Variants in FOXK2 observed in about 807,000 individuals in gnomAD.
The protein encoded by FOXK2 is forkhead box K2.
In FOXK2, 24 loss-of-function variants were observed where a neutral mutation model predicts 53.3. The ratio of observed to expected loss-of-function variants is 0.45; its 90% CI spans 0.33 to 0.63. The LOEUF is 0.63. Ranked by LOEUF, FOXK2 falls within the 30% of genes least tolerant of loss-of-function variation. FOXK2 has a pLI of 0.03. For missense variants in FOXK2, 952 were observed against 910.5 expected, an observed-to-expected ratio of 1.05 and a Z score of -0.59; for synonymous variants, 505 against 407.1, an observed-to-expected ratio of 1.24 and a Z score of -2.89.
intron 8 of FOXK2, 107 bp from the exon 9 acceptor site, chr17:82,601,196 G>C: frequency 8.3e-7 from 1 of 1,206,948 alleles, no homozygotes. Flanking sequence ...GAGTTCACAT[G>C]AGAGCGTGGG....
intron 1 of FOXK2, among the ~76,000 whole-genome samples, chr17:82,528,897 G>T (rs2044444588): frequency 6.6e-6 from 1 of 152,192 alleles, no homozygotes; most frequent in African/African-American, 2.4e-5. Flanking sequence ...TACGACACCG[G>T]GGTGAGTCTG....
chr17:82,556,375 C>T (rs958551914), intron 1 of FOXK2, among the ~76,000 whole-genome samples: 4 of 151,450 alleles, frequency 2.6e-5, no homozygotes, highest in South Asian at 2.1e-4. Context: ...ACCAGGGAGT[C>T]GAAGGTTGCA....
intron 4 of FOXK2, chr17:82,576,486 TTAACA>T (rs1268820804): frequency 3.7e-6 from 2 of 543,958 alleles, no homozygotes; most frequent in Non-Finnish European, 6.4e-6. Flanking sequence ...CTGTCAATAC[TTAACA>T]TAAATGAAGA....
At chr17:82,551,778 A>G (rs1394752347) in intron 1 of FOXK2, among the ~76,000 whole-genome samples, 3 of 152,220 alleles carry the variant, frequency 2.0e-5, no homozygotes, top group Non-Finnish European at 4.4e-5. Flanking sequence ...AGGGTTTCTA[A>G]TGTATTTCTC....
At chr17:82,523,829 T>A (rs911092476) in intron 1 of FOXK2, among the ~76,000 whole-genome samples, 6 of 152,090 alleles carry the variant, frequency 3.9e-5, no homozygotes, top group African/African-American at 1.4e-4. Flanking sequence ...ATGATACAAG[T>A]TCTTTTTAAG....
chr17:82,583,310 CG>C (rs1467820837), intron 5 of FOXK2, among the ~76,000 whole-genome samples: 3 of 152,042 alleles, frequency 2.0e-5, no homozygotes, highest in Admixed American at 6.6e-5. Context: ...TTTGGGAGGC[CG>C]AGGCGGGCGG....
chr17:82,590,126 G>A (rs939480784), intron 8 of FOXK2, among the ~76,000 whole-genome samples: 2 of 151,956 alleles, frequency 1.3e-5, no homozygotes, highest in Admixed American at 1.3e-4. Flanking sequence ...CATCCCCAAA[G>A]CCAGTGCCCA....
intron 4 of FOXK2, 144 bp from the exon 5 acceptor site, chr17:82,582,597 G>T: frequency 1.6e-6 from 1 of 623,484 alleles, no homozygotes; most frequent in Non-Finnish European, 2.7e-6. Flanking sequence ...TTACTTGTGT[G>T]ACGCAAAAGA....
chr17:82,535,018 T>A (rs1305814702), intron 1 of FOXK2, among the ~76,000 whole-genome samples: 1 of 152,206 alleles, frequency 6.6e-6, no homozygotes, highest in Non-Finnish European at 1.5e-5. Context: ...TAGCTGGGAT[T>A]ACAGATGCCT....
chr17:82,561,828 G>A (rs1036844337), intron 1 of FOXK2, among the ~76,000 whole-genome samples: 1 of 152,162 alleles, frequency 6.6e-6, no homozygotes, highest in Admixed American at 6.5e-5. Context: ...TGAAGCGGGA[G>A]GGCCATGGCG....
intron 1 of FOXK2, among the ~76,000 whole-genome samples, chr17:82,560,755 T>C (rs1196934564): frequency 6.6e-6 from 1 of 152,154 alleles, no homozygotes; most frequent in African/African-American, 2.4e-5. Flanking sequence ...TTCAGCACTT[T>C]TGGAGACTGA....
intron 1 of FOXK2, among the ~76,000 whole-genome samples, chr17:82,534,727 T>G (rs977034829): frequency 6.6e-6 from 1 of 152,228 alleles, no homozygotes; most frequent in Non-Finnish European, 1.5e-5. Context: ...TGTTCCTGTC[T>G]CCTCTTACAG....
intron 8 of FOXK2, chr17:82,600,222 T>C (rs1444722280): frequency 1.3e-5 from 2 of 152,098 alleles, no homozygotes; most frequent in African/African-American, 4.8e-5. Context: ...AAGCTGGAGA[T>C]GGTGGGGTCC....
chr17:82,578,658 T>C (rs1369558797), intron 4 of FOXK2: 1 of 152,262 alleles, frequency 6.6e-6, no homozygotes, highest in Non-Finnish European at 1.5e-5. Context: ...ACAAGTAATC[T>C]TTCTTCATTT....
In FOXK2 at chr17:82,575,390, C is replaced by T. The variant is rs185282737; in HGVS notation, c.909+3520C>T. ...CAGCATAAATTCGTAGGTGCCCAGT[C>T]AAATAGGAAGGAACGCCATTGTAGA... On this transcript the variant is annotated intron_variant, in intron 4 of 8. Coordinates refer to ENST00000335255, the MANE Select transcript of FOXK2 (RefSeq NM_004514.4). Among the ~76,000 whole-genome samples the T allele has an allele frequency of 1.2e-4, 18 of 152,230 alleles. No homozygotes were observed. The East Asian group carries it at 3.5e-3, about 29-fold the overall frequency.
intron 1 of FOXK2, among the ~76,000 whole-genome samples, chr17:82,527,835 C>G (rs531942836): frequency 9.9e-5 from 15 of 152,184 alleles, no homozygotes; most frequent in Non-Finnish European, 7.3e-5. Context: ...GAGTCTCACT[C>G]TGTCACCCAG....
chr17:82,596,161 ACGGGGTTTG>A, intron 8 of FOXK2: 1 of 1,024,092 alleles, frequency 9.8e-7, no homozygotes, highest in South Asian at 3.4e-5. Context: ...TGAGGTGGTC[ACGGGGTTTG>A]CCCAGCTCAC....
chr17:82,543,436 T>C (rs1009110507), intron 1 of FOXK2, among the ~76,000 whole-genome samples: 3 of 152,172 alleles, frequency 2.0e-5, no homozygotes, highest in African/African-American at 7.2e-5. Flanking sequence ...CTCAGTGTTG[T>C]GTGAGCACCT....
At position 82,529,218 on chromosome 17, in the gene FOXK2, CTTTTTTTTTT is replaced by C. The variant is rs753569022; in HGVS notation, c.419+8924_419+8933del. On this transcript the variant is annotated intron_variant, in intron 1 of 8. Coordinates refer to ENST00000335255, the MANE Select transcript of FOXK2 (RefSeq NM_004514.4). The stretch of plus-strand genomic sequence containing the variant: ...CTGTTCAAATTATACTTGAAAGCGC[CTTTTTTTTTT>C]TTTTTTTTTTTTGAGACAGGGTCTT... Among the ~76,000 whole-genome samples the C allele has an allele frequency of 1.5e-3, 136 of 90,476 alleles. 1 individual carries two copies. Among genetic ancestry groups the C allele is most frequent in the African/African-American group, 6.0e-3 (127 of 21,112 alleles). 59.4% of individuals were successfully genotyped at this position (90,476 alleles called of 152,430 possible).
Sources: gnomAD v4.1 joint callset for allele counts (sites outside exome capture counted in the v4.1 genomes callset) on GRCh38, gnomAD v4.1.1 for gene constraint, MANE v1.5 for transcripts, NCBI Gene and HGNC (gene_info 2026-07-23, HGNC 2026-07-21) for gene names.